Variants in UBR1 observed in about 807,000 individuals in gnomAD.
The protein encoded by UBR1 is E3 ubiquitin-protein ligase UBR1.
Under a neutral mutation model 242.1 loss-of-function variants are expected in UBR1, and 102 were observed. The observed-to-expected ratio is 0.42, with a 90% CI of 0.36 to 0.50. The LOEUF is 0.50. UBR1 is among the 20% of genes least tolerant of loss of function. UBR1 has a pLI of 0.01. For missense variants in UBR1, 1,772 were observed against 2,101.8 expected, an observed-to-expected ratio of 0.84 and a Z score of 3.07; for synonymous variants, 675 against 684.8, an observed-to-expected ratio of 0.99 and a Z score of 0.22.
chr15:43,069,337 C>T (rs1056087080), intron 5 of UBR1, among the ~76,000 whole-genome samples: 6 of 150,724 alleles, frequency 4.0e-5, no homozygotes, highest in Admixed American at 3.3e-4. Flanking sequence ...AGTGCAGTGG[C>T]GCAATCTCGG....
At chr15:42,989,955 A>T (rs1596088089) in intron 34 of UBR1, 75 bp downstream of exon 34, 1 of 1,026,888 alleles carries the variant, frequency 9.7e-7, no homozygotes, top group East Asian at 2.5e-5. Context: ...GTAAGGAAAG[A>T]TGGAAGCCTA....
At chr15:42,989,115 A>G (rs563429422) in intron 34 of UBR1, 148 bp from the exon 35 acceptor site, 2 of 698,250 alleles carry the variant, frequency 2.9e-6, no homozygotes, top group East Asian at 2.7e-5. Context: ...AGAGCCTCCA[A>G]AGATTTATTC....
At chr15:42,997,200 G>A (rs115170029) in intron 33 of UBR1, among the ~76,000 whole-genome samples, 483 of 152,294 alleles carry the variant, frequency 3.2e-3, no homozygotes, top group African/African-American at 0.011. Context: ...GCCCATGTGA[G>A]GAATCTAGGT....
chr15:43,005,618 A>C (rs2032811494), intron 30 of UBR1, among the ~76,000 whole-genome samples: 1 of 152,242 alleles, frequency 6.6e-6, no homozygotes, highest in Admixed American at 6.5e-5. Context: ...AGAACGGGCC[A>C]TGATGACGAT....
intron 34 of UBR1, among the ~76,000 whole-genome samples, chr15:42,989,175 A>G (rs1237538608): frequency 6.6e-6 from 1 of 152,270 alleles, no homozygotes; most frequent in African/African-American, 2.4e-5. Flanking sequence ...AAGGTAGAGA[A>G]ACAGCTCTTA....
At chr15:43,021,112 C>A in intron 27 of UBR1, 163 bp downstream of exon 27, 1 of 583,594 alleles carries the variant, frequency 1.7e-6, no homozygotes, top group Non-Finnish European at 2.9e-6. Context: ...ATTTTTAAAA[C>A]TACAATAAAA....
Position 43,059,296 on chromosome 15 carries a change from C to G in UBR1, c.986-104G>C. On this transcript the variant is annotated intron_variant, in intron 8 of 46. Coordinates refer to ENST00000290650, the MANE Select transcript of UBR1 (RefSeq NM_174916.3). ...CCCAGGTTGGTCTTGAACTCCTGGG[C>G]TCAAGCGATCCTTCCACCTCAGCCT... 3 of 929,366 alleles carry G rather than the reference C, an allele frequency of 3.2e-6. No individual in the cohort carries two copies. In the South Asian group the frequency reaches 4.1e-5, roughly 13 times the overall value. The allele number at this position is 929,366 out of a possible 1,614,324, so 57.6% of individuals were successfully genotyped here.
At chr15:42,952,872 GA>G (rs2031858088) in intron 44 of UBR1, among the ~76,000 whole-genome samples, 1 of 151,186 alleles carries the variant, frequency 6.6e-6, no homozygotes, top group African/African-American at 2.4e-5. Flanking sequence ...TTGTTTAAAA[GA>G]AAAAAAATTA....
Position 43,007,146 on chromosome 15 carries a change from T to C in UBR1, c.3348A>G (p.Leu1116=). 1.2e-6 allele frequency: 2 copies of C among 1,614,200 alleles called. No individual in the cohort carries two copies. The highest frequency in any genetic ancestry group is 1.7e-6 in the Non-Finnish European group (2 of 1,180,026). ...CAGTAGATTTCTGGACACAGGCCGATAATACCATGGCATTATTTTCTATTT... is the reference window on the plus strand; with the variant it reads ...CAGTAGATTTCTGGACACAGGCCGACAATACCATGGCATTATTTTCTATTT... ...EVKIENNAMV[L]SACVQKSTAL... The change falls in exon 30 of 47, where the codon TTA becomes TTG. Residue 1116 remains leucine, a synonymous_variant. Transcript: ENST00000290650.
chr15:43,088,923 A>G (rs908197814), intron 1 of UBR1, among the ~76,000 whole-genome samples: 2 of 151,938 alleles, frequency 1.3e-5, no homozygotes, highest in African/African-American at 2.4e-5. Context: ...GCACTTTGGG[A>G]GGCCGAGGCG....
chr15:42,990,424 T>G (rs1175411367), intron 33 of UBR1, among the ~76,000 whole-genome samples: 2 of 152,188 alleles, frequency 1.3e-5, no homozygotes, highest in African/African-American at 4.8e-5. Context: ...CCTCCCACCT[T>G]GGCCTACCAA....
chr15:43,104,749 C>T (rs2034276926), intron 1 of UBR1, among the ~76,000 whole-genome samples: 1 of 151,952 alleles, frequency 6.6e-6, no homozygotes, highest in Admixed American at 6.6e-5. Flanking sequence ...TCTGTAATCC[C>T]AGCACTTTGG....
intron 35 of UBR1, chr15:42,988,566 T>A: frequency 2.2e-6 from 1 of 454,476 alleles, no homozygotes; most frequent in Non-Finnish European, 4.0e-6. Context: ...CCAGGCATAA[T>A]CCACCGTGCC....
intron 33 of UBR1, 104 bp downstream of exon 33, chr15:42,998,064 G>C: frequency 2.0e-6 from 2 of 1,025,484 alleles, no homozygotes; most frequent in Non-Finnish European, 2.8e-6. Context: ...TGATATTCAA[G>C]AAATCTGTAC....
At chr15:42,966,047 AGAG>A (rs750030200) in intron 41 of UBR1, 103 bp downstream of exon 41, 25 of 1,512,934 alleles carry the variant, frequency 1.7e-5, no homozygotes, top group East Asian at 2.3e-5. Context: ...AGAAATGGGG[AGAG>A]GAGAAGTGGT....
At chr15:43,100,096 C>T (rs891184048) in intron 1 of UBR1, among the ~76,000 whole-genome samples, 1 of 152,024 alleles carries the variant, frequency 6.6e-6, no homozygotes, top group Admixed American at 6.6e-5. Context: ...AGGACGGTCT[C>T]GATCTCCTGA....
At chr15:43,073,115 C>A (rs2033843230) in intron 4 of UBR1, among the ~76,000 whole-genome samples, 1 of 151,550 alleles carries the variant, frequency 6.6e-6, no homozygotes. Context: ...GAGCCGAGAT[C>A]ATACCACTGT....
At chr15:43,065,937 G>C (rs1021775761) in intron 6 of UBR1, among the ~76,000 whole-genome samples, 1 of 152,166 alleles carries the variant, frequency 6.6e-6, no homozygotes, top group African/African-American at 2.4e-5. Flanking sequence ...TCTGATGATA[G>C]TTTCTTTTGC....
intron 15 of UBR1, among the ~76,000 whole-genome samples, chr15:43,042,856 A>T (rs1486477258): frequency 2.6e-5 from 4 of 152,206 alleles, no homozygotes; most frequent in African/African-American, 9.6e-5. Flanking sequence ...TTTAATGATA[A>T]AGAATGATAC....
Sources: allele counts gnomAD v4.1 joint callset (sites outside exome capture counted in the v4.1 genomes callset), GRCh38; gene constraint gnomAD v4.1.1; transcripts MANE v1.5; gene names NCBI Gene and HGNC (gene_info 2026-07-23, HGNC 2026-07-21).